The following SORCS1 variants were observed in gnomAD, a reference collection of about 807,000 sequenced individuals.
SORCS1 encodes VPS10 domain-containing receptor SorCS1.
Under a neutral mutation model 146.1 loss-of-function variants are expected in SORCS1, and 60 were observed. The observed-to-expected ratio is 0.41, with a 90% CI of 0.33 to 0.51. The LOEUF (loss-of-function observed/expected upper bound fraction) is 0.51. SORCS1 is among the 20% of genes least tolerant of loss of function. SORCS1 has a pLI of 0.21. For synonymous variants in SORCS1, 637 were observed against 584.0 expected (o/e 1.09, Z -1.31); for missense variants, 1,352 against 1,487.6 (o/e 0.91, Z 1.50).
chr10:106,759,412 A>T lies in SORCS1; in HGVS notation c.959+2176T>A, dbSNP rs541269827. ...ACGGTTTATAGTAGTAAAAATCTTG[A>T]AACAACCTAAATGTCTTTTCCACAG... On this transcript the variant is annotated intron_variant, in intron 5 of 25. Transcript: ENST00000263054. Among the ~76,000 whole-genome samples the T allele has an allele frequency of 1.6e-3, 243 of 152,322 alleles. 1 individual carries two copies. The highest frequency in any genetic ancestry group is 5.7e-3 in the African/African-American group (236 of 41,566).
intron 1 of SORCS1, among the ~76,000 whole-genome samples, chr10:107,111,886 CA>C (rs1284252518): frequency 3.7e-4 from 56 of 152,168 alleles, no homozygotes; most frequent in Non-Finnish European, 8.8e-5. Context: ...GACATCTCAA[CA>C]GAAGCCTTTC....
chr10:106,577,742 CT>C, intron 25 of SORCS1, 187 bp from the exon 26 acceptor site: 1 of 1,219,014 alleles, frequency 8.2e-7, no homozygotes, highest in Non-Finnish European at 1.1e-6. Flanking sequence ...CAAAAATGCA[CT>C]TAGAAGCTTT....
At chr10:106,674,328 C>CAAAAAAAAA (rs10658432) in intron 14 of SORCS1, among the ~76,000 whole-genome samples, 1,124 of 27,356 alleles carry the variant, frequency 0.041, 438 homozygotes, top group Middle Eastern at 0.15. Flanking sequence ...GACTCCGTCT[C>CAAAAAAAAA]AAAAAAAAAA....
intron 18 of SORCS1, among the ~76,000 whole-genome samples, chr10:106,635,609 T>A (rs1848683314): frequency 6.6e-6 from 1 of 152,022 alleles, no homozygotes; most frequent in South Asian, 2.1e-4. Context: ...TCTCCAAATT[T>A]AAAAGGGGGT....
At chr10:106,873,266 T>C (rs914222630) in intron 2 of SORCS1, among the ~76,000 whole-genome samples, 21 of 151,262 alleles carry the variant, frequency 1.4e-4, no homozygotes, top group African/African-American at 5.1e-4. Flanking sequence ...TGAGCCAAGA[T>C]TGCACCACTG....
At chr10:106,672,616 G>T (rs1198991413) in intron 15 of SORCS1, among the ~76,000 whole-genome samples, 2 of 152,158 alleles carry the variant, frequency 1.3e-5, no homozygotes, top group African/African-American at 4.8e-5. Context: ...ATTTCATTTT[G>T]ATTTGTAAGC....
At chr10:106,812,596 T>C (rs10884362) in intron 3 of SORCS1, among the ~76,000 whole-genome samples, 6,925 of 152,304 alleles carry the variant, frequency 0.045, 257 homozygotes, top group African/African-American at 0.1. Context: ...GTTTCTTTTA[T>C]AAATCTGATA....
intron 1 of SORCS1, among the ~76,000 whole-genome samples, chr10:107,119,972 G>A (rs1966292516): frequency 6.6e-6 from 1 of 151,988 alleles, no homozygotes; most frequent in African/African-American, 2.4e-5. Flanking sequence ...ACTTAGAAAA[G>A]CTTTCCATGG....
At chr10:106,624,506 G>GGATCTTGTAGTCCTT (rs1439960522) in intron 19 of SORCS1, among the ~76,000 whole-genome samples, 138 of 151,796 alleles carry the variant, frequency 9.1e-4, no homozygotes, top group Non-Finnish European at 1.6e-3. Context: ...GATTACAGGC[G>GGATCTTGTAGTCCTT]CCTGCTATCA....
chr10:106,977,771 T>C (rs1956092554), intron 1 of SORCS1, among the ~76,000 whole-genome samples: 1 of 152,194 alleles, frequency 6.6e-6, no homozygotes, highest in Non-Finnish European at 1.5e-5. Context: ...ATGAGATTAT[T>C]TGTGCTGGAA....
chr10:107,068,356 C>A (rs1962094878), intron 1 of SORCS1, among the ~76,000 whole-genome samples: 1 of 152,118 alleles, frequency 6.6e-6, no homozygotes, highest in East Asian at 1.9e-4. Context: ...TGGACGATAA[C>A]AAGGGGGAAC....
rs1324442020 is a variant in SORCS1, at chr10:106,618,179, G to A, written c.2890C>T (p.Leu964=). 1.9e-6 allele frequency: 3 copies of A among 1,613,996 alleles called. No individual in the cohort carries two copies. Among genetic ancestry groups the A allele is most frequent in the Non-Finnish European group, 2.5e-6 (3 of 1,179,984 alleles). ...ACTGCGATGGTCTTTGTGTCTTGTA[G>A]GATGGCATTCCCAGCTGAGACCTGC... The part of the protein sequence containing the change: ...TVQVSAGNAI[L]QDTKTIAVYE... Residue 964 remains leucine (L), a synonymous_variant, in exon 21 of 26, where the codon CTA becomes TTA. Transcript: ENST00000263054.
At chr10:106,594,517 TA>T (rs1035489130) in intron 24 of SORCS1, among the ~76,000 whole-genome samples, 1 of 152,024 alleles carries the variant, frequency 6.6e-6, no homozygotes, top group African/African-American at 2.4e-5. Context: ...ATCAGTTAAA[TA>T]AAAACCAGAC....
intron 2 of SORCS1, among the ~76,000 whole-genome samples, chr10:106,906,026 A>G (rs543746193): frequency 9.8e-5 from 15 of 152,334 alleles, no homozygotes; most frequent in Middle Eastern, 3.4e-3. Flanking sequence ...CCTTTGGGAA[A>G]ACTTTTAGGT....
At chr10:107,176,728 C>T in the SORCS1 span, among the ~76,000 whole-genome samples, 4 of 152,192 alleles carry the variant, frequency 2.6e-5, no homozygotes, top group Non-Finnish European at 1.5e-5. Flanking sequence ...ATTTGAAATT[C>T]GTTGAAACTT....
chr10:107,124,016 G>C (rs543294655), intron 1 of SORCS1, among the ~76,000 whole-genome samples: 1 of 151,972 alleles, frequency 6.6e-6, no homozygotes, highest in South Asian at 2.1e-4. Flanking sequence ...GAACCTGGGA[G>C]GCGGAGCTTG....
chr10:107,120,320 A>G (rs1351636540), intron 1 of SORCS1, among the ~76,000 whole-genome samples: 1 of 152,242 alleles, frequency 6.6e-6, no homozygotes, highest in Non-Finnish European at 1.5e-5. Context: ...GCAGGCAGGT[A>G]ATTTGTATTT....
At chr10:107,129,276 TG>T (rs1966845762) in intron 1 of SORCS1, among the ~76,000 whole-genome samples, 1 of 152,234 alleles carries the variant, frequency 6.6e-6, no homozygotes, top group African/African-American at 2.4e-5. Context: ...TCTTGGAGGC[TG>T]ACTACCTTTG....
intron 1 of SORCS1, among the ~76,000 whole-genome samples, chr10:107,114,683 A>C (rs569256701): frequency 6.6e-6 from 1 of 152,114 alleles, no homozygotes; most frequent in South Asian, 2.1e-4. Context: ...GCTTTTCCTC[A>C]AGATCAGGAA....
Sources: allele counts gnomAD v4.1 joint callset (sites outside exome capture counted in the v4.1 genomes callset), GRCh38; gene constraint gnomAD v4.1.1; transcripts MANE v1.5; gene names NCBI Gene and HGNC (gene_info 2026-07-23, HGNC 2026-07-21).